SNX29: variants seen among roughly 807,000 people sequenced by gnomAD.
The protein encoded by SNX29 is sorting nexin-29.
In SNX29, 78 loss-of-function variants were observed where a neutral mutation model predicts 102.1. That is an observed-to-expected ratio of 0.76 (90% CI 0.64 to 0.92). The LOEUF (loss-of-function observed/expected upper bound fraction) is 0.92, where lower values mean the gene tolerates loss of function less well. SNX29 is among the 40% of genes least tolerant of loss of function. SNX29 has a pLI of 0.00. For synonymous variants in SNX29, 580 were observed against 414.5 expected, an observed-to-expected ratio of 1.40 and a Z score of -4.85; for missense variants, 1,280 against 1,061.7, an observed-to-expected ratio of 1.21 and a Z score of -2.86.
chr16:12,301,076 A>T (rs900745881), intron 15 of SNX29, among the ~76,000 whole-genome samples: 2 of 152,182 alleles, frequency 1.3e-5, no homozygotes, highest in Admixed American at 6.5e-5. Flanking sequence ...TCAGCTAGCT[A>T]ATCAAGTTAA....
chr16:12,031,292 G>T (rs1440236334), intron 4 of SNX29, among the ~76,000 whole-genome samples: 2 of 151,646 alleles, frequency 1.3e-5, no homozygotes, highest in African/African-American at 4.8e-5. Context: ...GGCTGGTCTC[G>T]AACTCCTGGC....
At chr16:12,088,084 T>C (rs1596832359) in intron 11 of SNX29, 1 of 456,446 alleles carries the variant, frequency 2.2e-6, no homozygotes, top group African/African-American at 2.0e-5. Context: ...GAAGGATGGG[T>C]GCTCTCCACA....
At chr16:12,141,413 G>T (rs1426616800) in intron 13 of SNX29, among the ~76,000 whole-genome samples, 8 of 152,214 alleles carry the variant, frequency 5.3e-5, no homozygotes, top group Non-Finnish European at 1.2e-4. Context: ...TGGATCTTGT[G>T]CAAGAAAGAA....
At chr16:12,386,797 C>A (rs780634191) in intron 16 of SNX29, among the ~76,000 whole-genome samples, 8 of 152,146 alleles carry the variant, frequency 5.3e-5, no homozygotes, top group Non-Finnish European at 8.8e-5. Context: ...AAAAGGCCTT[C>A]TTTTCCAGAA....
chr16:12,323,442 A>G (rs1179830297), intron 15 of SNX29, among the ~76,000 whole-genome samples: 1 of 152,124 alleles, frequency 6.6e-6, no homozygotes, highest in Non-Finnish European at 1.5e-5. Context: ...TAGAAAAATA[A>G]CTTCAAAAGT....
intron 11 of SNX29, among the ~76,000 whole-genome samples, chr16:12,122,380 G>A (rs1172431134): frequency 6.6e-6 from 1 of 152,142 alleles, no homozygotes; most frequent in East Asian, 1.9e-4. Flanking sequence ...CTGGAGGCCT[G>A]TGGAGGCTGA....
intron 1 of SNX29, among the ~76,000 whole-genome samples, chr16:11,986,573 A>G (rs1182067634): frequency 1.3e-5 from 2 of 152,198 alleles, no homozygotes; most frequent in African/African-American, 2.4e-5. Context: ...TTCTGCTTAC[A>G]TGATAGCACT....
chr16:12,434,390 C>T (rs1035305884), intron 18 of SNX29, among the ~76,000 whole-genome samples: 2 of 152,110 alleles, frequency 1.3e-5, no homozygotes, highest in East Asian at 1.9e-4. Context: ...GGCCTGTACC[C>T]TGAAAACTGC....
intron 15 of SNX29, among the ~76,000 whole-genome samples, chr16:12,340,418 G>A (rs1158316186): frequency 6.6e-6 from 1 of 152,206 alleles, no homozygotes; most frequent in Non-Finnish European, 1.5e-5. Context: ...GGAGGAAGGA[G>A]CTTTTATCTG....
intron 15 of SNX29, among the ~76,000 whole-genome samples, chr16:12,281,385 A>C (rs2079425714): frequency 6.6e-6 from 1 of 152,202 alleles, no homozygotes; most frequent in Non-Finnish European, 1.5e-5. Flanking sequence ...CCTGGAATCC[A>C]GTGTCCTGGA....
At position 12,168,289 on chromosome 16, in the gene SNX29, G is replaced by C. The variant is rs181601802; in HGVS notation, c.1596-31312G>C. On this transcript the variant is annotated intron_variant, in intron 13 of 20. Coordinates refer to ENST00000566228, the MANE Select transcript of SNX29 (RefSeq NM_032167.5). ...ATGAGGGTGGAGGGAGGAGCCTTTG[G>C]GGGAAGGAAAGGATGTGCAAAAGCC... Among the ~76,000 whole-genome samples, 3 of 152,268 alleles carry C rather than the reference G, an allele frequency of 2.0e-5. No homozygotes were observed. In the East Asian group the frequency reaches 5.8e-4, roughly 29 times the overall value.
At chr16:12,398,633 A>G in intron 17 of SNX29, 132 bp downstream of exon 17, 1 of 1,011,852 alleles carries the variant, frequency 9.9e-7, no homozygotes, top group South Asian at 1.4e-5. Context: ...TGGTTCTTGT[A>G]GAGCTGGTAG....
chr16:12,050,207 A>G (rs1267318485), intron 7 of SNX29, among the ~76,000 whole-genome samples: 1 of 152,212 alleles, frequency 6.6e-6, no homozygotes, highest in Non-Finnish European at 1.5e-5. Context: ...AGGTGATCTC[A>G]GAGTTGTGCT....
At chr16:12,404,969 G>C (rs2084103906) in intron 18 of SNX29, among the ~76,000 whole-genome samples, 1 of 152,272 alleles carries the variant, frequency 6.6e-6, no homozygotes, top group South Asian at 2.1e-4. Context: ...CCTTCAGCTG[G>C]GCAACAGTCA....
chr16:12,057,492 C>G (rs1196610360), intron 8 of SNX29, among the ~76,000 whole-genome samples: 1 of 152,126 alleles, frequency 6.6e-6, no homozygotes, highest in Non-Finnish European at 1.5e-5. Context: ...AGCAGTTTGA[C>G]AAACTGGCAT....
At chr16:12,512,372 ATATATATATATATAT>A (rs2089663363) in intron 19 of SNX29, among the ~76,000 whole-genome samples, 1 of 7,788 alleles carries the variant, frequency 1.3e-4, no homozygotes, top group Admixed American at 1.5e-3. Flanking sequence ...CAGGGAAAAT[ATATATATATATATAT>A]ATATATATAT....
chr16:12,198,907 A>G (rs1050670095), intron 13 of SNX29, among the ~76,000 whole-genome samples: 1 of 152,182 alleles, frequency 6.6e-6, no homozygotes, highest in Non-Finnish European at 1.5e-5. Context: ...ATACTCAACA[A>G]ATGGCAGTTT....
At chr16:12,301,398 T>C (rs1275082835) in intron 15 of SNX29, among the ~76,000 whole-genome samples, 1 of 152,180 alleles carries the variant, frequency 6.6e-6, no homozygotes, top group Non-Finnish European at 1.5e-5. Context: ...CCAGGGTTAC[T>C]CCACCCTCCA....
rs745768129 is a variant in SNX29 at position 12,278,055 on chromosome 16, G to T, written c.1782+19G>T. On this transcript the variant is annotated intron_variant, in intron 15 of 20. Coordinates refer to ENST00000566228, the MANE Select transcript of SNX29 (RefSeq NM_032167.5). ...CATCGAGGTAAGGCCGGTGGAGTCT[G>T]TGTGTCTTTGTTTCTGATGTTGGCT... is the stretch of plus-strand genomic sequence containing the variant. The T allele has an allele frequency of 2.5e-6, 4 of 1,575,530 alleles. No individual in the cohort carries two copies. The highest frequency in any genetic ancestry group is 3.4e-6 in the Non-Finnish European group (4 of 1,159,460).
Sources: allele counts gnomAD v4.1 joint callset (sites outside exome capture counted in the v4.1 genomes callset), GRCh38; gene constraint gnomAD v4.1.1; transcripts MANE v1.5; gene names NCBI Gene and HGNC (gene_info 2026-07-23, HGNC 2026-07-21).